Variants in TMEM74 observed in about 807,000 individuals in gnomAD.
The protein encoded by TMEM74 is transmembrane protein 74.
Under a neutral mutation model 18.1 loss-of-function variants are expected in TMEM74, and 13 were observed. That is an observed-to-expected ratio of 0.72 (90% CI 0.47 to 1.14). TMEM74 has a LOEUF of 1.14. Ranked by LOEUF, TMEM74 falls within the 50% of genes most tolerant of loss-of-function variation. The pLI, the probability that TMEM74 is intolerant of heterozygous loss-of-function variation, is 0.00. For synonymous variants in TMEM74, 159 were observed against 146.6 expected, an observed-to-expected ratio of 1.08 and a Z score of -0.61; for missense variants, 372 against 375.9, an observed-to-expected ratio of 0.99 and a Z score of 0.09.
chr8:108,623,948 CTG>C (rs1480953380), intron 2 of TMEM74, among the ~76,000 whole-genome samples: 2 of 152,036 alleles, frequency 1.3e-5, no homozygotes, highest in African/African-American at 4.8e-5. Flanking sequence ...CTTTGAGAAA[CTG>C]TGTCTAATCT....
chr8:108,781,784 AT>A lies in TMEM74; in HGVS notation c.*2396del, dbSNP rs576775299. Reference sequence around the variant, plus strand: ...TAGGTCTTTTTCTCCCCCGTTGAATATTTTTTTTCCAAAATGGCATTTTTCA... The same window carrying A: ...TAGGTCTTTTTCTCCCCCGTTGAATATTTTTTTCCAAAATGGCATTTTTCA... On this transcript the variant is annotated 3_prime_UTR_variant, in exon 2 of 2. Transcript: ENST00000297459. Among the ~76,000 whole-genome samples the A allele has an allele frequency of 2.7e-4, 41 of 152,150 alleles. No homozygotes were observed. Among genetic ancestry groups the A allele is most frequent in the African/African-American group, 8.9e-4 (37 of 41,526 alleles).
chr8:108,678,333 A>C (rs1053376985), intron 1 of TMEM74, among the ~76,000 whole-genome samples: 1 of 152,112 alleles, frequency 6.6e-6, no homozygotes, highest in African/African-American at 2.4e-5. Flanking sequence ...GAAATCTGGA[A>C]ACAAAAAGTA....
intron 1 of TMEM74, among the ~76,000 whole-genome samples, chr8:108,693,181 G>T (rs1004869218): frequency 4.6e-5 from 7 of 152,178 alleles, no homozygotes; most frequent in African/African-American, 1.7e-4. Context: ...GGTATGGCTG[G>T]AGTATTATAT....
chr8:108,754,087 T>G (rs987833273), intron 1 of TMEM74, among the ~76,000 whole-genome samples: 8 of 152,116 alleles, frequency 5.3e-5, no homozygotes, highest in African/African-American at 1.9e-4. Context: ...GAACCTCTTC[T>G]CCACAGAATA....
intron 1 of TMEM74, among the ~76,000 whole-genome samples, chr8:108,748,355 T>C (rs571682853): frequency 6.6e-6 from 1 of 152,278 alleles, no homozygotes; most frequent in African/African-American, 2.4e-5. Context: ...TGGCCACATA[T>C]ATGTCTTCTT....
intron 1 of TMEM74, among the ~76,000 whole-genome samples, chr8:108,700,802 A>G (rs1341323156): frequency 6.6e-6 from 1 of 152,188 alleles, no homozygotes. Context: ...TGACTGGCCC[A>G]GGTTTACACA....
At chr8:108,668,430 C>G (rs1812970471) in intron 1 of TMEM74, among the ~76,000 whole-genome samples, 4 of 151,974 alleles carry the variant, frequency 2.6e-5, no homozygotes. Context: ...GAAGTTATAC[C>G]ATTTTCATGA....
chr8:108,652,905 T>C (rs1812788100), intron 2 of TMEM74: 1 of 443,948 alleles, frequency 2.3e-6, no homozygotes, highest in East Asian at 6.1e-5. Flanking sequence ...CAGTAGACAG[T>C]GCCCTGTGTG....
At chr8:108,674,062 T>A (rs1497634) in intron 1 of TMEM74, among the ~76,000 whole-genome samples, 27,135 of 152,124 alleles carry the variant, frequency 0.18, 2,930 homozygotes, top group East Asian at 0.42. Context: ...TAAATACTGA[T>A]GCCTGGAGTT....
intron 1 of TMEM74, among the ~76,000 whole-genome samples, chr8:108,750,434 G>GC (rs1321697729): frequency 6.6e-6 from 1 of 152,090 alleles, no homozygotes; most frequent in African/African-American, 2.4e-5. Flanking sequence ...CAGGTAGTTA[G>GC]GCATGAATGG....
intron 1 of TMEM74, among the ~76,000 whole-genome samples, chr8:108,712,989 G>A (rs1813488337): frequency 6.6e-6 from 1 of 152,142 alleles, no homozygotes; most frequent in South Asian, 2.1e-4. Flanking sequence ...TTCCTGTAAT[G>A]AGACCTGGGA....
chr8:108,622,677 GTA>G (rs1812455557), intron 2 of TMEM74, among the ~76,000 whole-genome samples: 1 of 152,004 alleles, frequency 6.6e-6, no homozygotes, highest in East Asian at 1.9e-4. Context: ...AGTTATCTTA[GTA>G]TTTTATAGTT....
chr8:108,681,396 G>A (rs1303655677), intron 1 of TMEM74, among the ~76,000 whole-genome samples: 1 of 152,102 alleles, frequency 6.6e-6, no homozygotes, highest in African/African-American at 2.4e-5. Flanking sequence ...TGACAAACCT[G>A]ACAAAAACAA....
At position 108,785,063 on chromosome 8, in the gene TMEM74, C is replaced by T; in HGVS notation, c.36G>A (p.Gln12=). 1 of 1,611,364 alleles carries T rather than the reference C, an allele frequency of 6.2e-7. No homozygotes were observed. The highest frequency in any genetic ancestry group is 8.5e-7 in the Non-Finnish European group (1 of 1,179,012). ...AGTCCCTGGCATCACAGAGGTCTGC[C>T]TGGTTGCTCTTCTTAGCAAGGTAGT... is the stretch of plus-strand genomic sequence containing the variant. ...ELHYLAKKSN[Q]ADLCDARDWS... Residue 12 remains glutamine, a synonymous_variant, in exon 2 of 2, where the codon CAG becomes CAA. Coordinates refer to ENST00000297459, the MANE Select transcript of TMEM74 (RefSeq NM_153015.3).
At chr8:108,765,116 G>C (rs946994351) in intron 1 of TMEM74, among the ~76,000 whole-genome samples, 2 of 152,154 alleles carry the variant, frequency 1.3e-5, no homozygotes, top group African/African-American at 4.8e-5. Context: ...TTGGAAATAG[G>C]TGTAAGAAAT....
intron 1 of TMEM74, among the ~76,000 whole-genome samples, chr8:108,721,801 T>G (rs1461713036): frequency 6.6e-6 from 1 of 152,232 alleles, no homozygotes; most frequent in African/African-American, 2.4e-5. Context: ...TTCCTTTCTG[T>G]TTCTCCTTGC....
chr8:108,659,580 T>C (rs1298304321), intron 1 of TMEM74, among the ~76,000 whole-genome samples: 4 of 152,292 alleles, frequency 2.6e-5, no homozygotes, highest in Non-Finnish European at 4.4e-5. Flanking sequence ...CCAAGATCTA[T>C]GTCTCTGGAC....
At position 108,783,448 on chromosome 8, in the gene TMEM74, A is replaced by G. The variant is rs1027835315; in HGVS notation, c.*733T>C. ...AATATAAAACTTATATCAGTAACTA[A>G]TTTGACTTCATTTTAAAAAAGAGCC... On this transcript the variant is annotated 3_prime_UTR_variant, in exon 2 of 2. Coordinates refer to ENST00000297459, the MANE Select transcript of TMEM74 (RefSeq NM_153015.3). 10 of 152,172 alleles carry G rather than the reference A, an allele frequency of 6.6e-5. No homozygotes were observed. Among genetic ancestry groups the G allele is most frequent in the Admixed American group, 6.5e-4 (10 of 15,280 alleles). 9.4% of individuals were successfully genotyped at this position (152,172 alleles called of 1,614,324 possible). A position where few individuals can be genotyped will look rare whatever the true frequency, so the allele number is the denominator to read the frequency against.
intron 1 of TMEM74, among the ~76,000 whole-genome samples, chr8:108,756,662 A>G (rs1289869126): frequency 1.2e-5 from 1 of 84,158 alleles, no homozygotes; most frequent in Non-Finnish European, 2.3e-5. Context: ...GAAAGAAAGA[A>G]AGAAAGAAAG....
Sources: gnomAD v4.1 joint callset for allele counts (sites outside exome capture counted in the v4.1 genomes callset) on GRCh38, gnomAD v4.1.1 for gene constraint, MANE v1.5 for transcripts, NCBI Gene and HGNC (gene_info 2026-07-23, HGNC 2026-07-21) for gene names.